The following FAM53A variants were observed in gnomAD, a reference collection of about 807,000 sequenced individuals.
The protein encoded by FAM53A is protein FAM53A.
Under a neutral mutation model 26.6 loss-of-function variants are expected in FAM53A, and 28 were observed. The ratio of observed to expected loss-of-function variants is 1.05; its 90% CI spans 0.78 to 1.45. The LOEUF is 1.45. FAM53A is among the 40% of genes most tolerant of loss of function. The pLI is 0.00. For synonymous variants in FAM53A, 290 were observed against 253.1 expected, an observed-to-expected ratio of 1.15 and a Z score of -1.38; for missense variants, 650 against 575.8, an observed-to-expected ratio of 1.13 and a Z score of -1.32.
downstream of FAM53A, among the ~76,000 whole-genome samples, chr4:1,639,096 G>A (rs1012793409): frequency 6.6e-6 from 1 of 152,154 alleles, no homozygotes; most frequent in Non-Finnish European, 1.5e-5. Context: ...GGCCCTGTGG[G>A]ACCCTGGCAG....
chr4:1,634,833 G>A (rs932873839), intron 1 of FAM53A, among the ~76,000 whole-genome samples: 3 of 151,744 alleles, frequency 2.0e-5, no homozygotes, highest in East Asian at 1.9e-4. Flanking sequence ...CCAGGAGACA[G>A]AGATTGCAGT....
downstream of FAM53A, among the ~76,000 whole-genome samples, chr4:1,616,146 G>T (rs115483153): frequency 3.3e-3 from 510 of 152,314 alleles, 1 homozygote; most frequent in Middle Eastern, 0.01. Flanking sequence ...ACAGCCAGGA[G>T]AGGAAGCATG....
chr4:1,578,318 A>ACACCCCGGGTGGCCTG, the FAM53A span, among the ~76,000 whole-genome samples: 1 of 152,182 alleles, frequency 6.6e-6, no homozygotes, highest in Non-Finnish European at 1.5e-5. Context: ...CTAAAACTGA[A>ACACCCCGGGTGGCCTG]CACCCCGGGT....
At chr4:1,653,751 A>G (rs1345101086) in intron 4 of FAM53A, among the ~76,000 whole-genome samples, 1 of 152,256 alleles carries the variant, frequency 6.6e-6, no homozygotes, top group Non-Finnish European at 1.5e-5. Context: ...ACTGATCAGA[A>G]GAGGCAAAGC....
At chr4:1,627,312 G>A (rs556629510) in intron 1 of FAM53A, among the ~76,000 whole-genome samples, 52 of 152,344 alleles carry the variant, frequency 3.4e-4, no homozygotes, top group African/African-American at 1.2e-3. Flanking sequence ...CATGGTGGCC[G>A]CTTGGTTGGT....
At chr4:1,629,327 G>T (rs921348971) in intron 1 of FAM53A, among the ~76,000 whole-genome samples, 1 of 152,198 alleles carries the variant, frequency 6.6e-6, no homozygotes, top group Non-Finnish European at 1.5e-5. Flanking sequence ...GGCCTCCAGG[G>T]GAAGTGCGGG....
intron 1 of FAM53A, among the ~76,000 whole-genome samples, chr4:1,682,264 CTTTT>C (rs3993306): frequency 1.5e-5 from 2 of 130,268 alleles, no homozygotes; most frequent in African/African-American, 2.9e-5. Flanking sequence ...TTTTAATTTC[CTTTT>C]TTTTTTTTTT....
intron 4 of FAM53A, among the ~76,000 whole-genome samples, chr4:1,650,298 GTGTT>G (rs1413477074): frequency 1.4e-5 from 2 of 142,690 alleles, no homozygotes; most frequent in Non-Finnish European, 3.0e-5. Context: ...CACAGGCGTG[GTGTT>G]TGTGAGGTGG....
intron 1 of FAM53A, chr4:1,683,885 C>G (rs1263415274): frequency 6.6e-6 from 1 of 152,238 alleles, no homozygotes; most frequent in Non-Finnish European, 1.5e-5. Flanking sequence ...CGCAAGTCCC[C>G]TCCTCGGGTC....
chr4:1,632,218 T>G (rs1453116483), intron 1 of FAM53A, among the ~76,000 whole-genome samples: 1 of 148,404 alleles, frequency 6.7e-6, no homozygotes, highest in Non-Finnish European at 1.5e-5. Context: ...AAAGAGGTAG[T>G]TAGGGTTAAA....
the FAM53A span, among the ~76,000 whole-genome samples, chr4:1,585,240 T>G: frequency 6.6e-6 from 1 of 151,924 alleles, no homozygotes; most frequent in East Asian, 1.9e-4. Flanking sequence ...TTTTGTACCT[T>G]TTGACTAATA....
At chr4:1,678,303 G>C (rs1466657411) in intron 1 of FAM53A, among the ~76,000 whole-genome samples, 1 of 152,136 alleles carries the variant, frequency 6.6e-6, no homozygotes, top group African/African-American at 2.4e-5. Context: ...TGATTGCACT[G>C]CTGCACTCCA....
At position 1,641,147 on chromosome 4, in the gene FAM53A, C is replaced by A; in HGVS notation, c.*146G>T. On this transcript the variant is annotated 3_prime_UTR_variant, in exon 5 of 5. Transcript: ENST00000308132. ...CCCCAGGGCAGGTGCCGGCGGCAGC[C>A]GTGGCCCCGACCAGCTCACAGGAAA... The A allele has an allele frequency of 2.0e-6, 1 of 507,632 alleles. No homozygotes were observed. Among genetic ancestry groups the A allele is most frequent in the Non-Finnish European group, 3.5e-6 (1 of 286,570 alleles). 31.4% of individuals were successfully genotyped at this position (507,632 alleles called of 1,614,324 possible). A position where few individuals can be genotyped will look rare whatever the true frequency, so the allele number is the denominator to read the frequency against.
At chr4:1,652,781 C>T (rs538154701) in intron 4 of FAM53A, among the ~76,000 whole-genome samples, 14 of 148,292 alleles carry the variant, frequency 9.4e-5, no homozygotes, top group Non-Finnish European at 1.9e-4. Flanking sequence ...CCACACAGCA[C>T]ACACCAAACA....
rs74418244 is a variant in FAM53A at position 1,631,607 on chromosome 4, C to T, written c.432-13496G>A. Among the ~76,000 whole-genome samples the T allele has an allele frequency of 5.0e-3, 766 of 152,202 alleles. 6 individuals carry two copies. Among genetic ancestry groups the T allele is most frequent in the African/African-American group, 0.018 (727 of 41,504 alleles). ...CCATATCCACGGTGCACTGGGCAGC[C>T]TCTGAGACGCCCCAGAGAAAGAGAG... is the stretch of plus-strand genomic sequence containing the variant. On this transcript the variant is annotated intron_variant, in intron 1 of 1. Coordinates refer to the FAM53A transcript ENST00000489029.
At chr4:1,673,269 C>A (rs1714810199) in intron 1 of FAM53A, among the ~76,000 whole-genome samples, 2 of 152,218 alleles carry the variant, frequency 1.3e-5, no homozygotes, top group Admixed American at 1.3e-4. Flanking sequence ...TGTCCCAAAT[C>A]TGCCTCAGCA....
intron 4 of FAM53A, among the ~76,000 whole-genome samples, chr4:1,643,206 C>A (rs946283257): frequency 6.6e-6 from 1 of 152,204 alleles, no homozygotes; most frequent in African/African-American, 2.4e-5. Flanking sequence ...GTGGCTCACA[C>A]CTGTAATCCC....
At chr4:1,644,079 C>T (rs1054097019) in intron 4 of FAM53A, 15 of 1,417,554 alleles carry the variant, frequency 1.1e-5, no homozygotes, top group South Asian at 9.8e-5. Context: ...TGGTGTCACC[C>T]GTGACCTTGC....
At chr4:1,615,392 G>A (rs540916112), downstream of FAM53A, among the ~76,000 whole-genome samples, 470 of 127,698 alleles carry the variant, frequency 3.7e-3, 1 homozygote, top group Middle Eastern at 0.02. Context: ...GACAGGATGC[G>A]GCCACATCCA....
Sources: gnomAD v4.1 joint callset for allele counts (sites outside exome capture counted in the v4.1 genomes callset) on GRCh38, gnomAD v4.1.1 for gene constraint, MANE v1.5 for transcripts, NCBI Gene and HGNC (gene_info 2026-07-23, HGNC 2026-07-21) for gene names.